Variants in GCSH observed in about 807,000 individuals in gnomAD.
GCSH encodes the protein glycine cleavage system protein H, also known as glycine cleavage system H protein, mitochondrial.
In GCSH, 15 loss-of-function variants were observed where a neutral mutation model predicts 21.3. The observed-to-expected ratio is 0.70, with a 90% CI of 0.47 to 1.08. The LOEUF (loss-of-function observed/expected upper bound fraction) is 1.08. GCSH is among the 50% of genes least tolerant of loss of function. The pLI is 0.00. For missense variants in GCSH, 179 were observed against 217.5 expected (o/e 0.82, Z 1.11); for synonymous variants, 59 against 84.5 (o/e 0.70, Z 1.66).
intron 1 of GCSH, among the ~76,000 whole-genome samples, chr16:81,095,737 C>G (rs1972492219): frequency 6.6e-6 from 1 of 152,188 alleles, no homozygotes; most frequent in Admixed American, 6.5e-5. Context: ...AACTAAAGGC[C>G]TCCCCATTTG....
In GCSH at chr16:81,096,376, G is replaced by T; in HGVS notation, c.-98C>A. The T allele has an allele frequency of 9.3e-7, 1 of 1,072,342 alleles. No individual in the cohort carries two copies. Among genetic ancestry groups the T allele is most frequent in the Non-Finnish European group, 1.2e-6 (1 of 815,342 alleles). 66.4% of individuals were successfully genotyped at this position (1,072,342 alleles called of 1,614,324 possible). A position where few individuals can be genotyped will look rare whatever the true frequency, so the allele number is the denominator to read the frequency against. On this transcript the variant is annotated 5_prime_UTR_variant, in exon 1 of 5. Coordinates refer to ENST00000315467, the MANE Select transcript of GCSH (RefSeq NM_004483.5). ...GTTCGCGGCCGGAGGGAGCCGGCTGGATGGAGGCGCGGAGGCGGTGCCGCG... is the reference window on the plus strand; with the variant it reads ...GTTCGCGGCCGGAGGGAGCCGGCTGTATGGAGGCGCGGAGGCGGTGCCGCG...
At chr16:81,095,280 G>A (rs1972480026) in intron 1 of GCSH, among the ~76,000 whole-genome samples, 1 of 151,840 alleles carries the variant, frequency 6.6e-6, no homozygotes, top group Admixed American at 6.6e-5. Flanking sequence ...CTTCTGTTGA[G>A]TCCAGAAGAC....
intron 1 of GCSH, among the ~76,000 whole-genome samples, chr16:81,094,676 G>A (rs1037632761): frequency 6.6e-6 from 1 of 152,084 alleles, no homozygotes; most frequent in Non-Finnish European, 1.5e-5. Context: ...ACAAATTTTG[G>A]AATAAATTTA....
intron 3 of GCSH, among the ~76,000 whole-genome samples, chr16:81,087,075 CT>C (rs533808402): frequency 6.6e-6 from 1 of 151,762 alleles, no homozygotes; most frequent in African/African-American, 2.4e-5. Context: ...TTTTTTCTCT[CT>C]TTTTTTTAAA....
intron 1 of GCSH, 102 bp from the exon 2 acceptor site, chr16:81,090,782 T>C (rs1268972362): frequency 1.2e-6 from 1 of 801,896 alleles, no homozygotes; most frequent in Admixed American, 1.9e-5. Flanking sequence ...AATTTCTGTT[T>C]GACCTGTTGA....
chr16:81,095,101 G>A (rs201369419), intron 1 of GCSH, among the ~76,000 whole-genome samples: 77 of 144,750 alleles, frequency 5.3e-4, no homozygotes, highest in Non-Finnish European at 6.3e-4. Flanking sequence ...TCAATAAAAA[G>A]AAAAAAAAAA....
rs1351850149 is a variant in GCSH at position 81,082,690 on chromosome 16, C to G, written c.*176G>C. The G allele has an allele frequency of 8.7e-5, 46 of 529,098 alleles. 1 individual carries two copies. In the East Asian group the frequency reaches 1.5e-3, roughly 17 times the overall value. 32.8% of individuals were successfully genotyped at this position (529,098 alleles called of 1,614,324 possible). A position where few individuals can be genotyped will look rare whatever the true frequency, so the allele number is the denominator to read the frequency against. On this transcript the variant is annotated 3_prime_UTR_variant, in exon 5 of 5. Transcript: ENST00000315467. ...TGAAAAAGACGCATATTATATTTAT[C>G]TATAATCATTAGAAAGTTAAAGGGC...
chr16:81,083,681 C>G (rs895796373), intron 4 of GCSH: 1 of 152,558 alleles, frequency 6.6e-6, no homozygotes, highest in Non-Finnish European at 1.5e-5. Flanking sequence ...CTAATCCTAG[C>G]TTTGCCATTT....
Position 81,090,696 on chromosome 16 carries a change from A to C in GCSH, c.149-16T>G. 1 of 1,565,372 alleles carries C rather than the reference A, an allele frequency of 6.4e-7. No individual in the cohort carries two copies. Among genetic ancestry groups the C allele is most frequent in the Non-Finnish European group, 8.8e-7 (1 of 1,135,434 alleles). On this transcript the variant is annotated splice_polypyrimidine_tract_variant and intron_variant, in intron 1 of 4. Coordinates refer to ENST00000315467, the MANE Select transcript of GCSH (RefSeq NM_004483.5). ...AATTTACGCACTAAAACAGAAGACC[A>C]ACATTTCAGAAAAGCAGTAGCATTA...
chr16:81,088,792 A>C (rs1478259397), intron 2 of GCSH, among the ~76,000 whole-genome samples: 2 of 152,140 alleles, frequency 1.3e-5, no homozygotes, highest in Non-Finnish European at 2.9e-5. Flanking sequence ...CATTTGCTGA[A>C]ATCCTGCTCA....
At chr16:81,090,494 T>C in intron 2 of GCSH, 107 bp downstream of exon 2, 1 of 793,462 alleles carries the variant, frequency 1.3e-6, no homozygotes, top group East Asian at 2.6e-5. Context: ...AGTGTTGGGA[T>C]TACAGGCATG....
intron 1 of GCSH, among the ~76,000 whole-genome samples, chr16:81,091,701 G>C (rs1597169202): frequency 6.6e-6 from 1 of 152,230 alleles, no homozygotes; most frequent in East Asian, 1.9e-4. Context: ...TTACCCAAAG[G>C]ATAGTAGTAC....
chr16:81,083,571 G>C (rs1396607723), intron 4 of GCSH: 16 of 155,700 alleles, frequency 1.0e-4, no homozygotes, highest in East Asian at 3.8e-4. Context: ...ACAAGACCAG[G>C]TATGTCTTTA....
chr16:81,088,790 GA>G (rs1248358821), intron 2 of GCSH, among the ~76,000 whole-genome samples: 1 of 152,166 alleles, frequency 6.6e-6, no homozygotes, highest in Admixed American at 6.6e-5. Flanking sequence ...AGCATTTGCT[GA>G]AATCCTGCTC....
At chr16:81,087,325 AG>A (rs1972302450) in intron 3 of GCSH, among the ~76,000 whole-genome samples, 1 of 152,102 alleles carries the variant, frequency 6.6e-6, no homozygotes, top group Non-Finnish European at 1.5e-5. Flanking sequence ...CAGGAGTTCG[AG>A]ACCAGCCTTG....
intron 1 of GCSH, among the ~76,000 whole-genome samples, chr16:81,095,101 GAA>G (rs56957840): frequency 0.87 from 125,367 of 144,890 alleles, 54,196 homozygotes; most frequent in South Asian, 0.96. Flanking sequence ...TCAATAAAAA[GAA>G]AAAAAAAAAA....
chr16:81,096,373 C>T lies in GCSH; in HGVS notation c.-95G>A. On this transcript the variant is annotated 5_prime_UTR_variant, in exon 1 of 5. Coordinates refer to ENST00000315467, the MANE Select transcript of GCSH (RefSeq NM_004483.5). ...GCAGTTCGCGGCCGGAGGGAGCCGG[C>T]TGGATGGAGGCGCGGAGGCGGTGCC... 4.6e-6 allele frequency: 5 copies of T among 1,081,788 alleles called. No individual in the cohort carries two copies. Among genetic ancestry groups the T allele is most frequent in the South Asian group, 2.1e-5 (1 of 48,008 alleles). The allele number at this position is 1,081,788 out of a possible 1,614,324, so 67.0% of individuals were successfully genotyped here.
At chr16:81,091,051 G>C in intron 1 of GCSH, 1 of 451,316 alleles carries the variant, frequency 2.2e-6, no homozygotes, top group Middle Eastern at 3.5e-4. Context: ...GACAAATTTG[G>C]GGTGATGAGG....
At chr16:81,094,782 T>C (rs564839619) in intron 1 of GCSH, among the ~76,000 whole-genome samples, 160 of 151,804 alleles carry the variant, frequency 1.1e-3, no homozygotes, top group Non-Finnish European at 1.8e-3. Context: ...GAGCAGTCAG[T>C]GTATCAAACA....
Sources: gnomAD v4.1 joint callset for allele counts (sites outside exome capture counted in the v4.1 genomes callset) on GRCh38, gnomAD v4.1.1 for gene constraint, MANE v1.5 for transcripts, NCBI Gene and HGNC (gene_info 2026-07-23, HGNC 2026-07-21) for gene names.